The following SLC25A44 variants were observed in gnomAD, a reference collection of about 807,000 sequenced individuals.
The protein encoded by SLC25A44 is solute carrier family 25, member 44.
SLC25A44 carries 17 observed loss-of-function variants against 29.9 expected under a neutral mutation model. That is an observed-to-expected ratio of 0.57 (90% CI 0.39 to 0.85). The LOEUF (loss-of-function observed/expected upper bound fraction) is 0.85. SLC25A44 is among the 40% of genes least tolerant of loss of function. The pLI is 0.00. For synonymous variants in SLC25A44, 140 were observed against 151.8 expected (o/e 0.92, Z 0.57); for missense variants, 302 against 398.4 (o/e 0.76, Z 2.06).
chr1:156,203,347 C>T (rs183230806), intron 2 of SLC25A44, among the ~76,000 whole-genome samples: 285 of 152,284 alleles, frequency 1.9e-3, no homozygotes, highest in South Asian at 4.1e-3. Flanking sequence ...ATTTCAGCAC[C>T]TTGTTTCCTT....
intron 1 of SLC25A44, 72 bp downstream of exon 1, chr1:156,194,319 G>A (rs1656073780): frequency 6.5e-6 from 1 of 152,748 alleles, no homozygotes; most frequent in Non-Finnish European, 1.5e-5. Context: ...GGGAGGCAAA[G>A]GATGCCTGGG....
intron 1 of SLC25A44, chr1:156,196,848 A>G (rs1402400176): frequency 2.0e-5 from 3 of 152,232 alleles, no homozygotes; most frequent in African/African-American, 7.2e-5. Context: ...AAGGGCATTA[A>G]TTCTGCCTTC....
chr1:156,207,653 A>C (rs1657038288), intron 2 of SLC25A44, among the ~76,000 whole-genome samples: 1 of 152,126 alleles, frequency 6.6e-6, no homozygotes, highest in Non-Finnish European at 1.5e-5. Flanking sequence ...CTGTCTCAAA[A>C]GAAAAAAAAT....
chr1:156,199,473 A>G, intron 1 of SLC25A44: 1 of 246,388 alleles, frequency 4.1e-6, no homozygotes, highest in South Asian at 6.5e-5. Context: ...ATTCCTGGCC[A>G]GAGTAGTGAT....
chr1:156,203,447 C>G (rs1656713523), intron 2 of SLC25A44, among the ~76,000 whole-genome samples: 1 of 152,164 alleles, frequency 6.6e-6, no homozygotes, highest in African/African-American at 2.4e-5. Context: ...TCTCCCTGTC[C>G]ATGTCTCTGT....
rs1036470491 is a variant in SLC25A44 at position 156,210,530 on chromosome 1, C to A, written c.*99C>A. 1 of 839,684 alleles carries A rather than the reference C, an allele frequency of 1.2e-6. No individual in the cohort carries two copies. The highest frequency in any genetic ancestry group is 2.2e-5 in the South Asian group (1 of 46,024). The allele number at this position is 839,684 out of a possible 1,614,324, so 52.0% of individuals were successfully genotyped here. Reference sequence around the variant, plus strand: ...CTCTCCAGGTGCTCCCACCACACACCCAGCCCTGCCCTGGGCCAAGTGGCC... The same window carrying A: ...CTCTCCAGGTGCTCCCACCACACACACAGCCCTGCCCTGGGCCAAGTGGCC... On this transcript the variant is annotated 3_prime_UTR_variant, in exon 4 of 4. Coordinates refer to ENST00000359511, the MANE Select transcript of SLC25A44 (RefSeq NM_014655.4).
intron 3 of SLC25A44, among the ~76,000 whole-genome samples, chr1:156,209,433 G>A (rs1012190402): frequency 1.3e-5 from 2 of 152,174 alleles, no homozygotes; most frequent in African/African-American, 2.4e-5. Context: ...GCGGAAGCGG[G>A]GGATGTTCTT....
At chr1:156,205,216 T>A (rs1346272856) in intron 2 of SLC25A44, among the ~76,000 whole-genome samples, 1 of 152,156 alleles carries the variant, frequency 6.6e-6, no homozygotes, top group Non-Finnish European at 1.5e-5. Context: ...GCTAATTTTG[T>A]ATTTTTAGTA....
chr1:156,203,481 T>A (rs1247092219), intron 2 of SLC25A44, among the ~76,000 whole-genome samples: 1 of 152,196 alleles, frequency 6.6e-6, no homozygotes, highest in African/African-American at 2.4e-5. Context: ...CTTATCATGG[T>A]GCCTGGCATC....
Position 156,207,727 on chromosome 1 carries a change from T to G in SLC25A44, c.626-159T>G, listed in dbSNP as rs577960553. Reference sequence around the variant, plus strand: ...TGGAAAGGGCCTGAGACTTAATAGTTTTTTGAAGGAAGCAGAGAAAATAAA... The same window carrying G: ...TGGAAAGGGCCTGAGACTTAATAGTGTTTTGAAGGAAGCAGAGAAAATAAA... On this transcript the variant is annotated intron_variant, in intron 2 of 3. Transcript: ENST00000359511. 1.8e-4 allele frequency: 121 copies of G among 678,650 alleles called. No homozygotes were observed. The Middle Eastern group carries it at 2.3e-3, about 13-fold the overall frequency. 42.0% of individuals were successfully genotyped at this position (678,650 alleles called of 1,614,324 possible). A position where few individuals can be genotyped will look rare whatever the true frequency, so the allele number is the denominator to read the frequency against.
At chr1:156,206,217 C>T (rs1362861219) in intron 2 of SLC25A44, among the ~76,000 whole-genome samples, 1 of 151,014 alleles carries the variant, frequency 6.6e-6, no homozygotes, top group Non-Finnish European at 1.5e-5. Flanking sequence ...GTCAGTGTCA[C>T]TAGTTTTTAT....
chr1:156,203,804 C>T (rs1265425470), intron 2 of SLC25A44, among the ~76,000 whole-genome samples: 3 of 149,260 alleles, frequency 2.0e-5, no homozygotes, highest in Non-Finnish European at 3.0e-5. Flanking sequence ...CCTGGGTTCA[C>T]GCCGTTTTCC....
Position 156,200,033 on chromosome 1 carries a change from C to G in SLC25A44, c.186C>G (p.Ile62Met). 2.5e-6 allele frequency: 4 copies of G among 1,614,172 alleles called. No homozygotes were observed. The highest frequency in any genetic ancestry group is 3.4e-6 in the Non-Finnish European group (4 of 1,180,004). The change falls in exon 2 of 4, where the codon ATC becomes ATG. Residue 62 changes from isoleucine to methionine, a missense_variant. Coordinates refer to ENST00000359511, the MANE Select transcript of SLC25A44 (RefSeq NM_014655.4). ...ACCATGGGACCTTCGATGCCTTCAT[C>G]AAGATCCTGCGAGCAGATGGTATCA... The part of the protein sequence containing the change: ...SLYHGTFDAF[I>M]KILRADGITG...
In SLC25A44 at chr1:156,210,459, T is replaced by C; in HGVS notation, c.*28T>C. 1 of 1,515,372 alleles carries C rather than the reference T, an allele frequency of 6.6e-7. No homozygotes were observed. The highest frequency in any genetic ancestry group is 1.3e-5 in the South Asian group (1 of 78,276). 93.9% of individuals were successfully genotyped at this position (1,515,372 alleles called of 1,614,324 possible). On this transcript the variant is annotated 3_prime_UTR_variant, in exon 4 of 4. Coordinates refer to ENST00000359511, the MANE Select transcript of SLC25A44 (RefSeq NM_014655.4). ...AGTGGTGGGGAGAGAAGCCTGCTGT[T>C]TTCCACACTACCGTGGGTCAGGGGC... is the stretch of plus-strand genomic sequence containing the variant.
In SLC25A44 at chr1:156,210,405, G is replaced by C; in HGVS notation, c.919G>C (p.Glu307Gln). The C allele has an allele frequency of 6.3e-7, 1 of 1,591,952 alleles. No homozygotes were observed. Among genetic ancestry groups the C allele is most frequent in the Non-Finnish European group, 8.5e-7 (1 of 1,170,060 alleles). Reference sequence around the variant, plus strand: ...CCTCAAGAAACTCAGCCTCCGACCTGAGCTGGTGGACTCGAGACACTGGTA... The same window carrying C: ...CCTCAAGAAACTCAGCCTCCGACCTCAGCTGGTGGACTCGAGACACTGGTA... ...ESLKKLSLRP[E>Q]LVDSRHW Residue 307 changes from glutamate to glutamine, a missense_variant, in exon 4 of 4, where the codon GAG becomes CAG. Transcript: ENST00000359511.
At chr1:156,208,403 G>T (rs1210236624) in intron 3 of SLC25A44, among the ~76,000 whole-genome samples, 1 of 152,076 alleles carries the variant, frequency 6.6e-6, no homozygotes, top group Non-Finnish European at 1.5e-5. Context: ...AGAGGTGTAG[G>T]TTGCATTGAG....
intron 2 of SLC25A44, among the ~76,000 whole-genome samples, chr1:156,205,472 C>G (rs1310478034): frequency 6.6e-6 from 1 of 152,102 alleles, no homozygotes; most frequent in African/African-American, 2.4e-5. Context: ...CTTGGCTGCC[C>G]CTCGAACACT....
rs73006789 is a variant in SLC25A44, at chr1:156,210,760, A to C, written c.*329A>C. The C allele has an allele frequency of 5.9e-3, 909 of 155,080 alleles. 8 individuals are homozygous for C. The highest frequency in any genetic ancestry group is 0.024 in the African/African-American group (876 of 36,628). The allele number at this position is 155,080 out of a possible 1,614,324, so 9.6% of individuals were successfully genotyped here. On this transcript the variant is annotated 3_prime_UTR_variant, in exon 4 of 4. Coordinates refer to ENST00000359511, the MANE Select transcript of SLC25A44 (RefSeq NM_014655.4). ...TTCCATCTGTGTCCCTGAGACCCTG[A>C]GAAGAGCTGTACATAGAGCTTGCTT... is the stretch of plus-strand genomic sequence containing the variant.
At chr1:156,201,026 G>A (rs1656543652) in intron 2 of SLC25A44, among the ~76,000 whole-genome samples, 1 of 151,704 alleles carries the variant, frequency 6.6e-6, no homozygotes. Flanking sequence ...AGTAGAGATG[G>A]GGTTTCACCA....
Sources: gnomAD v4.1 joint callset for allele counts (sites outside exome capture counted in the v4.1 genomes callset) on GRCh38, gnomAD v4.1.1 for gene constraint, MANE v1.5 for transcripts, NCBI Gene and HGNC (gene_info 2026-07-23, HGNC 2026-07-21) for gene names.